PVT1: variants seen among roughly 807,000 people sequenced by gnomAD.
The protein encoded by PVT1 is Pvt1 oncogene.
chr8:127,876,537 C>T (rs1815407113), intron 2 of PVT1, among the ~76,000 whole-genome samples: 1 of 151,964 alleles, frequency 6.6e-6, no homozygotes, highest in Non-Finnish European at 1.5e-5. Context: ...TTCCCCTTCT[C>T]TCCCTTTCCT....
chr8:127,974,391 G>T (rs536551450), intron 3 of PVT1, among the ~76,000 whole-genome samples: 17 of 151,866 alleles, frequency 1.1e-4, no homozygotes, highest in South Asian at 2.1e-4. Context: ...AAAAAAGTCA[G>T]CATCATCATC....
intron 3 of PVT1, among the ~76,000 whole-genome samples, chr8:127,986,391 G>A (rs1816970901): frequency 6.6e-6 from 1 of 152,196 alleles, no homozygotes. Flanking sequence ...CATCAGGGAA[G>A]TGTTGTCAGT....
At chr8:128,041,299 T>C (rs565907554) in intron 4 of PVT1, among the ~76,000 whole-genome samples, 1 of 101,242 alleles carries the variant, frequency 9.9e-6, no homozygotes, top group South Asian at 4.6e-4. Flanking sequence ...TATGTTTGTG[T>C]TGTGCTCATG....
intron 2 of PVT1, among the ~76,000 whole-genome samples, chr8:127,837,254 C>CCTT (rs1814919515): frequency 6.6e-6 from 1 of 152,176 alleles, no homozygotes; most frequent in Non-Finnish European, 1.5e-5. Context: ...CATGGGCTCG[C>CCTT]CTTCCATCCA....
At chr8:127,911,520 G>C (rs1284758389) in intron 3 of PVT1, among the ~76,000 whole-genome samples, 2 of 152,256 alleles carry the variant, frequency 1.3e-5, no homozygotes, top group Admixed American at 6.5e-5. Flanking sequence ...TACGGGACTG[G>C]AGGTCTCCGG....
intron 3 of PVT1, among the ~76,000 whole-genome samples, chr8:127,988,628 C>CA (rs559662850): frequency 5.9e-5 from 9 of 152,190 alleles, no homozygotes; most frequent in Non-Finnish European, 1.2e-4. Context: ...GTCCACTGAA[C>CA]ACATGTTACT....
Position 127,821,093 on chromosome 8 carries a change from G to A in PVT1, n.372+25022G>A, listed in dbSNP as rs187078811. On this transcript the variant is annotated intron_variant and non_coding_transcript_variant, in intron 2 of 10. Coordinates refer to ENST00000651587, the Ensembl canonical transcript of PVT1. The stretch of plus-strand genomic sequence containing the variant: ...TGTTGTCTTGTGTAACATGAAAAAA[G>A]CTGTGCGGATACTAGCTAAGATCAA... Among the ~76,000 whole-genome samples, 128 of 152,276 alleles carry A rather than the reference G, an allele frequency of 8.4e-4. 1 individual carries two copies. In the East Asian group the frequency reaches 0.022, roughly 26 times the overall value.
chr8:128,090,104 G>A (rs1360265537), intron 5 of PVT1, among the ~76,000 whole-genome samples: 1 of 152,222 alleles, frequency 6.6e-6, no homozygotes, highest in Non-Finnish European at 1.5e-5. Context: ...CAATCTATGG[G>A]ATGGGGACCT....
chr8:128,056,700 G>A (rs898408773), intron 4 of PVT1, among the ~76,000 whole-genome samples: 2 of 152,120 alleles, frequency 1.3e-5, no homozygotes, highest in African/African-American at 4.8e-5. Context: ...ATATCAGTGG[G>A]TCTTGGTAAA....
At chr8:127,995,403 G>C (rs2130006061) in intron 4 of PVT1, among the ~76,000 whole-genome samples, 1 of 152,282 alleles carries the variant, frequency 6.6e-6, no homozygotes, top group South Asian at 2.1e-4. Context: ...GACAGCTCTT[G>C]ACTCCTGGTT....
chr8:127,947,760 A>C (rs1431420257), intron 3 of PVT1: 1 of 456,436 alleles, frequency 2.2e-6, no homozygotes, highest in Non-Finnish European at 4.4e-6. Context: ...ATCACAGTCC[A>C]GGGACAAGGT....
intron 4 of PVT1, among the ~76,000 whole-genome samples, chr8:128,043,773 T>TACACACACACACACAC: frequency 7.1e-6 from 1 of 140,796 alleles, no homozygotes; most frequent in East Asian, 2.1e-4. Context: ...AACTATTTCC[T>TACACACACACACACAC]ACACACACAC....
chr8:128,059,731 C>T (rs953598395), intron 4 of PVT1, among the ~76,000 whole-genome samples: 2 of 152,128 alleles, frequency 1.3e-5, no homozygotes, highest in Non-Finnish European at 1.5e-5. Context: ...CATCCAATCC[C>T]GCATAGTGTT....
intron 2 of PVT1, among the ~76,000 whole-genome samples, chr8:127,876,190 G>T (rs2129777895): frequency 6.6e-6 from 1 of 152,192 alleles, no homozygotes; most frequent in African/African-American, 2.4e-5. Context: ...GACCAGTACT[G>T]TGACTTGCAC....
chr8:128,089,985 C>T (rs1042636997), intron 5 of PVT1, among the ~76,000 whole-genome samples: 1 of 152,194 alleles, frequency 6.6e-6, no homozygotes, highest in Admixed American at 6.5e-5. Context: ...CAGAATAATG[C>T]TTTTAAAATG....
chr8:127,806,429 C>A (rs1399732443), intron 2 of PVT1, among the ~76,000 whole-genome samples: 2 of 151,860 alleles, frequency 1.3e-5, no homozygotes, highest in African/African-American at 4.8e-5. Context: ...CCACTGCATG[C>A]CAGCCTGGAC....
chr8:127,997,592 C>G (rs1325839271), intron 4 of PVT1, among the ~76,000 whole-genome samples: 1 of 152,176 alleles, frequency 6.6e-6, no homozygotes, highest in Non-Finnish European at 1.5e-5. Context: ...TGCACATCCT[C>G]CAGACACTTT....
chr8:128,069,878 T>C (rs1306986386), intron 4 of PVT1, among the ~76,000 whole-genome samples: 1 of 152,154 alleles, frequency 6.6e-6, no homozygotes, highest in African/African-American at 2.4e-5. Flanking sequence ...TCATTGTCAT[T>C]ATTATCATCA....
At chr8:128,097,856 C>T (rs926876384) in intron 6 of PVT1, among the ~76,000 whole-genome samples, 1 of 152,164 alleles carries the variant, frequency 6.6e-6, no homozygotes, top group Non-Finnish European at 1.5e-5. Flanking sequence ...TTTCTGCCCT[C>T]TCCTGCCCCA....
Sources: allele counts gnomAD v4.1 joint callset (sites outside exome capture counted in the v4.1 genomes callset), GRCh38; gene constraint gnomAD v4.1.1; transcripts MANE v1.5; gene names NCBI Gene and HGNC (gene_info 2026-07-23, HGNC 2026-07-21).